ARHGEF6: variants seen among roughly 807,000 people sequenced by gnomAD.
ARHGEF6 encodes the protein rho guanine nucleotide exchange factor 6.
A neutral mutation model predicts 70.3 loss-of-function variants in ARHGEF6; 9 were observed. The observed-to-expected ratio is 0.13, with a 90% confidence interval of 0.08 to 0.22. ARHGEF6 has a LOEUF of 0.22. Ranked by LOEUF, ARHGEF6 falls within the 10% of genes least tolerant of loss-of-function variation. The pLI is 1.00. For missense variants in ARHGEF6, 470 were observed against 563.0 expected (o/e 0.83, Z 1.67); for synonymous variants, 201 against 207.8 (o/e 0.97, Z 0.28).
chrX:136,714,171 C>T (rs1461880771), intron 6 of ARHGEF6, among the ~76,000 whole-genome samples: 2 of 111,535 alleles, frequency 1.8e-5, no homozygotes, highest in Admixed American at 9.5e-5. Context: ...AATTAGAATC[C>T]TATAGGCAAA....
intron 6 of ARHGEF6, among the ~76,000 whole-genome samples, chrX:136,727,823 C>G (rs373457501): frequency 9.0e-6 from 1 of 111,034 alleles, no homozygotes; most frequent in Admixed American, 9.6e-5. Context: ...CGTGAGCCAC[C>G]ACACCCGTAT....
chrX:136,752,320 A>G lies in ARHGEF6; in HGVS notation c.250-4728T>C, dbSNP rs144940813. On this transcript the variant is annotated intron_variant, in intron 2 of 21. Transcript: ENST00000250617. The stretch of plus-strand genomic sequence containing the variant: ...CTTCACCTAGGAGGCACTTGGCCAC[A>G]TTTGCCAAAAGAGGGGAAAAGCTAC... Among the ~76,000 whole-genome samples the G allele has an allele frequency of 5.4e-3, 600 of 111,814 alleles. 3 individuals carry two copies. Among genetic ancestry groups the G allele is most frequent in the African/African-American group, 0.018 (552 of 30,729 alleles).
intron 2 of ARHGEF6, 43 bp downstream of exon 2, chrX:136,779,371 A>T: frequency 8.9e-7 from 1 of 1,120,074 alleles, no homozygotes. Context: ...TTAGCAGAGC[A>T]AAAAAACGAT....
Position 136,753,203 on chromosome X carries a change from A to C in ARHGEF6, c.250-5611T>G. ...AGCTGTTCCTATTTGATATGGACCA[A>C]ACTTAAGGGAGCAAATCTTGCTCTC... On this transcript the variant is annotated intron_variant, in intron 2 of 21. Transcript: ENST00000250617. Among the ~76,000 whole-genome samples the C allele has an allele frequency of 3.6e-5, 4 of 112,375 alleles. No homozygotes were observed. The South Asian group carries it at 1.5e-3, about 42-fold the overall frequency.
intron 6 of ARHGEF6, among the ~76,000 whole-genome samples, chrX:136,727,361 C>CT (rs1445778378): frequency 1.6e-5 from 1 of 63,986 alleles, no homozygotes; most frequent in African/African-American, 6.6e-5. Flanking sequence ...TTCTTTCTTT[C>CT]TTTCTTTCTT....
chrX:136,674,749 A>T (rs369340728), intron 19 of ARHGEF6, among the ~76,000 whole-genome samples: 52 of 111,647 alleles, frequency 4.7e-4, no homozygotes, highest in African/African-American at 1.2e-3. Context: ...TTAAAAAAAA[A>T]TTTTCACTTC....
chrX:136,707,208 C>T (rs749269234), intron 8 of ARHGEF6, among the ~76,000 whole-genome samples, 178 bp from the exon 9 acceptor site: 1 of 112,442 alleles, frequency 8.9e-6, no homozygotes, highest in African/African-American at 3.2e-5. Flanking sequence ...CTGCTTTAAA[C>T]TCTAGCCACC....
intron 5 of ARHGEF6, chrX:136,737,489 C>T (rs1463008602): frequency 4.3e-6 from 3 of 690,592 alleles, no homozygotes; most frequent in South Asian, 7.6e-5. Flanking sequence ...AAAAGGGTTT[C>T]ACTACATCAC....
chrX:136,752,561 G>A (rs2077163433), intron 2 of ARHGEF6, among the ~76,000 whole-genome samples: 1 of 112,050 alleles, frequency 8.9e-6, no homozygotes, highest in Non-Finnish European at 1.9e-5. Context: ...TCTTAGTTAA[G>A]AAAAGAAGGC....
intron 19 of ARHGEF6, 73 bp downstream of exon 19, chrX:136,674,934 T>C: frequency 1.9e-6 from 2 of 1,057,861 alleles, no homozygotes; most frequent in South Asian, 3.8e-5. Context: ...GTTGCTTTTC[T>C]CTTTTTCTAA....
Position 136,779,415 on chromosome X carries a change from T to C in ARHGEF6, c.248A>G (p.Glu83Gly). The C allele has an allele frequency of 2.5e-6, 3 of 1,209,730 alleles. No homozygotes were observed. Among genetic ancestry groups the C allele is most frequent in the Non-Finnish European group, 3.4e-6 (3 of 893,800 alleles). Residue 83 changes from glutamate to glycine, a missense_variant and splice_region_variant, in exon 2 of 22, where the codon GAA becomes GGA. By Grantham distance (98) the Glu-to-Gly change is moderately conservative. Transcript: ENST00000250617. ...GGAAGGCACCCGGGGTAGGCTTACT[T>C]CCACTTGGAGGGTTGCACATCCTTT... Reference protein sequence around the residue: ...FLKGCATLQVEIFDPDDLYSG... With the variant: ...FLKGCATLQVGIFDPDDLYSG...
chrX:136,671,012 A>G (rs1429090639), intron 20 of ARHGEF6, among the ~76,000 whole-genome samples: 1 of 111,768 alleles, frequency 8.9e-6, no homozygotes, highest in Non-Finnish European at 1.9e-5. Context: ...TACATGTAAA[A>G]TGGGGATAAT....
At chrX:136,748,446 T>C (rs757693139) in intron 2 of ARHGEF6, among the ~76,000 whole-genome samples, 2 of 112,840 alleles carry the variant, frequency 1.8e-5, no homozygotes, top group South Asian at 7.2e-4. Flanking sequence ...AATTTACCTG[T>C]TACCTTTGAA....
chrX:136,776,878 GATAAATAAATAA>G (rs59514085), intron 2 of ARHGEF6, among the ~76,000 whole-genome samples: 69 of 99,965 alleles, frequency 6.9e-4, no homozygotes, highest in African/African-American at 1.6e-3. Context: ...TAAATAAATA[GATAAATAAATAA>G]ATAAATAAAT....
chrX:136,753,770 G>T (rs1033595341), intron 2 of ARHGEF6, among the ~76,000 whole-genome samples: 1 of 111,768 alleles, frequency 8.9e-6, no homozygotes, highest in African/African-American at 3.3e-5. Flanking sequence ...AGAGTCTAGG[G>T]TATTGCAGCC....
intron 2 of ARHGEF6, among the ~76,000 whole-genome samples, chrX:136,772,971 T>C (rs759050370): frequency 8.9e-6 from 1 of 111,864 alleles, no homozygotes; most frequent in East Asian, 2.8e-4. Context: ...CAGCAGACTT[T>C]CCTGATCAGT....
intron 2 of ARHGEF6, chrX:136,774,153 A>T (rs1430359073): frequency 9.0e-6 from 1 of 111,694 alleles, no homozygotes; most frequent in East Asian, 2.8e-4. Flanking sequence ...ATTTCTATCC[A>T]AAGTGGAAGA....
At chrX:136,676,792 G>T in intron 17 of ARHGEF6, 75 bp from the exon 18 acceptor site, 1 of 694,388 alleles carries the variant, frequency 1.4e-6, no homozygotes. Flanking sequence ...ATGAAACTAA[G>T]TAGAATTCCT....
rs1182718802 is a variant in ARHGEF6 at position 136,679,647 on chromosome X, G to A, written c.1718C>T (p.Thr573Ile). 2 of 1,211,601 alleles carry A rather than the reference G, an allele frequency of 1.7e-6. No homozygotes were observed. The highest frequency in any genetic ancestry group is 3.5e-5 in the African/African-American group (2 of 57,852). ...SCSAHSSFSSTGQPRGPLEPP... is the reference protein window; with the variant it reads ...SCSAHSSFSSIGQPRGPLEPP... ...CTCCAAGGGTCCTCGGGGCTGTCCG[G>A]TAGAGCTAAAAGACTGGGAAAATGT... The change falls in exon 16 of 22, where the codon ACC becomes ATC. Residue 573 changes from threonine to isoleucine, a missense_variant. Coordinates refer to ENST00000250617, the MANE Select transcript of ARHGEF6 (RefSeq NM_004840.3).
Sources: allele counts gnomAD v4.1 joint callset (sites outside exome capture counted in the v4.1 genomes callset), GRCh38; gene constraint gnomAD v4.1.1; transcripts MANE v1.5; gene names NCBI Gene and HGNC (gene_info 2026-07-23, HGNC 2026-07-21).